CWC27: variants seen among roughly 807,000 people sequenced by gnomAD.
CWC27 encodes spliceosome-associated protein CWC27 homolog.
Under a neutral mutation model 63.6 loss-of-function variants are expected in CWC27, and 47 were observed. That is an observed-to-expected ratio of 0.74 (90% CI 0.58 to 0.94). The LOEUF (loss-of-function observed/expected upper bound fraction) is 0.94, where lower values mean the gene tolerates loss of function less well. Ranked by LOEUF, CWC27 falls within the 40% of genes least tolerant of loss-of-function variation. The pLI is 0.00. For synonymous variants in CWC27, 175 were observed against 179.8 expected (o/e 0.97, Z 0.22); for missense variants, 495 against 554.3 (o/e 0.89, Z 1.07).
chr5:64,775,461 T>C (rs1348825621), intron 2 of CWC27, among the ~76,000 whole-genome samples: 3 of 152,184 alleles, frequency 2.0e-5, no homozygotes, highest in African/African-American at 7.2e-5. Context: ...ATGGTTTTAG[T>C]TGGACATTAT....
At chr5:64,779,503 C>T (rs541127778) in intron 2 of CWC27, among the ~76,000 whole-genome samples, 124 of 152,272 alleles carry the variant, frequency 8.1e-4, no homozygotes, top group Non-Finnish European at 1.4e-3. Context: ...TTCCACCTAA[C>T]GGATTTTTTG....
At chr5:64,791,240 G>A (rs1386171414) in intron 7 of CWC27, among the ~76,000 whole-genome samples, 2 of 152,154 alleles carry the variant, frequency 1.3e-5, no homozygotes, top group Non-Finnish European at 2.9e-5. Flanking sequence ...ATTGCTTTGA[G>A]ATAGACTTGA....
intron 11 of CWC27, among the ~76,000 whole-genome samples, chr5:64,939,900 G>A (rs527858861): frequency 6.6e-6 from 1 of 152,292 alleles, no homozygotes; most frequent in East Asian, 1.9e-4. Context: ...ACTTCTGGTC[G>A]GCTTTGTTTA....
intron 2 of CWC27, 146 bp downstream of exon 2, chr5:64,774,933 C>G: frequency 2.0e-6 from 1 of 489,448 alleles, no homozygotes; most frequent in Non-Finnish European, 3.6e-6. Flanking sequence ...AGCTGGGTGT[C>G]CGGAAGTAGA....
rs114182066 is a variant in CWC27, at chr5:64,885,564, G to A, written c.1042+18G>A. On this transcript the variant is annotated intron_variant, in intron 11 of 13. Transcript: ENST00000381070. ...AAGTGAAGGTAAGGGCATTTATCAC[G>A]CTTATTTTTTCACTTGATACTCCTC... The A allele has an allele frequency of 1.1e-3, 1,647 of 1,561,434 alleles. 9 individuals are homozygous for A. In the African/African-American group the frequency reaches 0.015, roughly 14 times the overall value.
Position 64,971,719 on chromosome 5 carries a change from A to T in CWC27, c.1059A>T (p.Pro353=). Residue 353 remains proline, a synonymous_variant, in exon 12 of 14, where the codon CCA becomes CCT. Transcript: ENST00000381070. ...ATTCTTTAGAGGAAGAAGCCCCTCC[A>T]GATGGTGCTGTTGCCGAATACAGAA... ...EKRSEEEEAP[P]DGAVAEYRRE... is the part of the protein sequence containing the mutation. 1 of 1,606,588 alleles carries T rather than the reference A, an allele frequency of 6.2e-7. No homozygotes were observed. The highest frequency in any genetic ancestry group is 8.5e-7 in the Non-Finnish European group (1 of 1,177,202).
chr5:64,781,521 G>C (rs1743690767), intron 2 of CWC27, among the ~76,000 whole-genome samples: 1 of 152,120 alleles, frequency 6.6e-6, no homozygotes, highest in Non-Finnish European at 1.5e-5. Flanking sequence ...TTGCAGTATA[G>C]GGTGTTTAGC....
chr5:64,873,391 T>G (rs889446071), intron 10 of CWC27, among the ~76,000 whole-genome samples: 18 of 152,046 alleles, frequency 1.2e-4, no homozygotes, highest in Non-Finnish European at 2.2e-4. Flanking sequence ...ATAGGTCTTC[T>G]CTGTGATAAA....
At chr5:64,901,199 G>A (rs1747500105) in intron 11 of CWC27, among the ~76,000 whole-genome samples, 1 of 152,026 alleles carries the variant, frequency 6.6e-6, no homozygotes, top group Non-Finnish European at 1.5e-5. Flanking sequence ...AAGTATTTGT[G>A]TATTTAAACA....
intron 13 of CWC27, among the ~76,000 whole-genome samples, chr5:65,011,789 G>T (rs1374210935): frequency 6.6e-6 from 1 of 152,232 alleles, no homozygotes; most frequent in Non-Finnish European, 1.5e-5. Flanking sequence ...ATCCACCCTT[G>T]CAGAGGCAGG....
At chr5:64,843,078 G>T (rs6449761) in intron 10 of CWC27, among the ~76,000 whole-genome samples, 4,795 of 152,194 alleles carry the variant, frequency 0.032, 266 homozygotes, top group African/African-American at 0.11. Context: ...AGGATTTTTT[G>T]ATTTATCTGT....
At chr5:64,798,311 C>T (rs1324214635) in intron 7 of CWC27, among the ~76,000 whole-genome samples, 1 of 152,106 alleles carries the variant, frequency 6.6e-6, no homozygotes, top group Non-Finnish European at 1.5e-5. Flanking sequence ...GACTAAACCC[C>T]ATGGAATTGT....
At chr5:64,987,146 T>C (rs1749450446) in intron 13 of CWC27, among the ~76,000 whole-genome samples, 1 of 152,050 alleles carries the variant, frequency 6.6e-6, no homozygotes, top group African/African-American at 2.4e-5. Context: ...TACATATCAG[T>C]TTCCTCTTTT....
chr5:64,931,710 G>T (rs1748240142), intron 11 of CWC27, among the ~76,000 whole-genome samples: 3 of 151,852 alleles, frequency 2.0e-5, no homozygotes, highest in African/African-American at 4.8e-5. Flanking sequence ...ATCCTTTATT[G>T]CATGTGTATA....
At chr5:64,923,151 C>T (rs1335687599) in intron 11 of CWC27, among the ~76,000 whole-genome samples, 1 of 152,134 alleles carries the variant, frequency 6.6e-6, no homozygotes, top group Admixed American at 6.5e-5. Flanking sequence ...GAACACTTTC[C>T]AGCAGGACGC....
chr5:64,858,408 G>A (rs1343391341), intron 10 of CWC27, among the ~76,000 whole-genome samples: 4 of 150,576 alleles, frequency 2.7e-5, no homozygotes, highest in Non-Finnish European at 5.9e-5. Context: ...CTTGCAGTGA[G>A]CCAAGATCGC....
chr5:64,859,641 A>T (rs934695446), intron 10 of CWC27, among the ~76,000 whole-genome samples: 3 of 152,200 alleles, frequency 2.0e-5, no homozygotes, highest in Non-Finnish European at 4.4e-5. Flanking sequence ...GGAATGGTAG[A>T]GTGTTTTCAG....
At chr5:64,963,819 A>T (rs1291176816) in intron 11 of CWC27, among the ~76,000 whole-genome samples, 1 of 152,228 alleles carries the variant, frequency 6.6e-6, no homozygotes, top group East Asian at 1.9e-4. Context: ...GAGGGGAAAG[A>T]TATCCTTAAG....
intron 13 of CWC27, among the ~76,000 whole-genome samples, chr5:65,000,234 A>G (rs1749708720): frequency 6.6e-6 from 1 of 152,100 alleles, no homozygotes; most frequent in Non-Finnish European, 1.5e-5. Context: ...TCTGGATATC[A>G]GTACCTTGCT....
Sources: gnomAD v4.1 joint callset for allele counts (sites outside exome capture counted in the v4.1 genomes callset) on GRCh38, gnomAD v4.1.1 for gene constraint, MANE v1.5 for transcripts, NCBI Gene and HGNC (gene_info 2026-07-23, HGNC 2026-07-21) for gene names.